The following CCDC40 variants were observed in gnomAD, a reference collection of about 807,000 sequenced individuals.
CCDC40 encodes the protein coiled-coil domain 40 molecular ruler complex subunit.
Under a neutral mutation model 124.5 loss-of-function variants are expected in CCDC40, and 104 were observed. That is an observed-to-expected ratio of 0.84 (90% CI 0.71 to 0.98). The LOEUF is 0.98. Ranked by LOEUF, CCDC40 falls within the 50% of genes least tolerant of loss-of-function variation. CCDC40 has a pLI of 0.00. For synonymous variants in CCDC40, 580 were observed against 602.9 expected (o/e 0.96, Z 0.56); for missense variants, 1,463 against 1,503.9 (o/e 0.97, Z 0.45).
At position 80,099,709 on chromosome 17, in the gene CCDC40, C is replaced by A. The variant is rs367605498; in HGVS notation, c.3363C>A (p.Phe1121Leu). The change falls in exon 20 of 20, where the codon TTC becomes TTA. Residue 1121 changes from phenylalanine to leucine, a missense_variant. Coordinates refer to ENST00000397545, the MANE Select transcript of CCDC40 (RefSeq NM_017950.4). Reference protein sequence around the residue: ...LDRVRDEYPQFQEALHKVSQM... With the variant: ...LDRVRDEYPQLQEALHKVSQM... The stretch of plus-strand genomic sequence containing the variant: ...GCGTGCGGGACGAGTACCCCCAGTT[C>A]CAGGAGGCCCTGCACAAGGTCAGCC... 3.8e-5 allele frequency: 62 copies of A among 1,613,818 alleles called. No homozygotes were observed. The South Asian group carries it at 6.0e-4, about 16-fold the overall frequency.
intron 9 of CCDC40, among the ~76,000 whole-genome samples, chr17:80,062,900 A>G (rs943415290): frequency 6.6e-6 from 1 of 152,132 alleles, no homozygotes; most frequent in Middle Eastern, 3.2e-3. Flanking sequence ...ACAATACATT[A>G]ATTTTTAATA....
Position 80,047,329 on chromosome 17 carries a change from G to A in CCDC40, c.603G>A (p.Gln201=). The change falls in exon 4 of 20, where the codon CAG becomes CAA. Residue 201 remains glutamine (Q), a synonymous_variant. Transcript: ENST00000397545. ...PQGQVLPMGV[Q]HRFRLSHGSD... ...GGCAGGTGCTCCCAATGGGCGTCCA[G>A]CACCGCTTCCGGCTGAGCCACGGGA... The A allele has an allele frequency of 6.2e-7, 1 of 1,613,936 alleles. No individual in the cohort carries two copies. Among genetic ancestry groups the A allele is most frequent in the Non-Finnish European group, 8.5e-7 (1 of 1,179,918 alleles).
At chr17:80,091,396 G>A (rs2038720978) in intron 17 of CCDC40, among the ~76,000 whole-genome samples, 1 of 151,948 alleles carries the variant, frequency 6.6e-6, no homozygotes, top group Non-Finnish European at 1.5e-5. Context: ...TGGCTCTTAT[G>A]ATTATGAGGG....
intron 19 of CCDC40, chr17:80,098,069 C>T (rs1271201904): frequency 3.2e-5 from 5 of 157,248 alleles, no homozygotes; most frequent in Admixed American, 1.3e-4. Context: ...TAGGGTGATG[C>T]GGGAAGGCCC....
chr17:80,083,462 TG>T (rs1261863241), intron 12 of CCDC40, among the ~76,000 whole-genome samples: 2 of 151,936 alleles, frequency 1.3e-5, no homozygotes, highest in Non-Finnish European at 2.9e-5. Flanking sequence ...CTGAGGAGGC[TG>T]GGGTAGGCAG....
chr17:80,082,871 C>T (rs2038491548), intron 12 of CCDC40, among the ~76,000 whole-genome samples: 1 of 152,216 alleles, frequency 6.6e-6, no homozygotes, highest in East Asian at 1.9e-4. Flanking sequence ...CCAACACATT[C>T]GTCTATTACG....
intron 18 of CCDC40, among the ~76,000 whole-genome samples, chr17:80,096,512 G>A (rs973920001): frequency 2.6e-5 from 4 of 151,762 alleles, no homozygotes; most frequent in South Asian, 2.1e-4. Flanking sequence ...TTCCTAGCCC[G>A]GCCCCTGACC....
At chr17:80,051,196 G>A (rs558816165) in intron 7 of CCDC40, 1 of 263,216 alleles carries the variant, frequency 3.8e-6, no homozygotes, top group Non-Finnish European at 5.9e-6. Context: ...CTCTTATAAT[G>A]GGGAAATGAC....
chr17:80,040,328 C>T, intron 3 of CCDC40, 58 bp downstream of exon 3: 1 of 1,491,316 alleles, frequency 6.7e-7, no homozygotes, highest in Non-Finnish European at 9.2e-7. Context: ...GGGTTTGTCA[C>T]CCTATGTGAG....
intron 3 of CCDC40, among the ~76,000 whole-genome samples, chr17:80,046,233 C>T (rs551440867): frequency 3.9e-5 from 6 of 152,122 alleles, no homozygotes; most frequent in African/African-American, 7.2e-5. Flanking sequence ...AACTCTCCCC[C>T]GCCCAGGGAA....
At position 80,099,881 on chromosome 17, in the gene CCDC40, CT is replaced by C. The variant is rs2143790486; in HGVS notation, c.*107del. Reference sequence around the variant, plus strand: ...TGTGTTCCTAAAAACCACATGTACCCTCAGAAGGGCATCGTTTAAGAGAAAT... The same window carrying C: ...TGTGTTCCTAAAAACCACATGTACCCCAGAAGGGCATCGTTTAAGAGAAAT... On this transcript the variant is annotated 3_prime_UTR_variant, in exon 20 of 20. Transcript: ENST00000397545. 4.8e-6 allele frequency: 6 copies of C among 1,247,624 alleles called. No individual in the cohort carries two copies. In the South Asian group the frequency reaches 6.4e-5, roughly 13 times the overall value. The allele number at this position is 1,247,624 out of a possible 1,614,324, so 77.3% of individuals were successfully genotyped here.
intron 19 of CCDC40, among the ~76,000 whole-genome samples, chr17:80,098,260 T>G (rs1378700882): frequency 6.6e-6 from 1 of 152,210 alleles, no homozygotes; most frequent in African/African-American, 2.4e-5. Context: ...CGGCCCAGAC[T>G]GTGTGCGGCC....
At chr17:80,049,269 GT>G (rs1456870679) in intron 5 of CCDC40, among the ~76,000 whole-genome samples, 1 of 152,020 alleles carries the variant, frequency 6.6e-6, no homozygotes, top group Non-Finnish European at 1.5e-5. Flanking sequence ...GCTGGGCATG[GT>G]GGTGAGCACC....
At chr17:80,055,250 AG>A (rs2037708188) in intron 7 of CCDC40, among the ~76,000 whole-genome samples, 3 of 152,336 alleles carry the variant, frequency 2.0e-5, no homozygotes, top group Admixed American at 1.3e-4. Context: ...AACAAGAGAA[AG>A]AAATGAGATA....
intron 10 of CCDC40, among the ~76,000 whole-genome samples, chr17:80,079,838 T>C (rs1004150252): frequency 6.7e-6 from 1 of 150,016 alleles, no homozygotes; most frequent in Non-Finnish European, 1.5e-5. Context: ...AGCTGAGGCA[T>C]GAGAATCGCT....
chr17:80,091,322 C>T (rs2038717347), intron 17 of CCDC40, among the ~76,000 whole-genome samples: 1 of 150,824 alleles, frequency 6.6e-6, no homozygotes, highest in African/African-American at 2.5e-5. Context: ...CACACACACA[C>T]ACACACACAC....
At chr17:80,068,050 T>G in intron 10 of CCDC40, 2 of 969,740 alleles carry the variant, frequency 2.1e-6, no homozygotes, top group Non-Finnish European at 2.5e-6. Context: ...TTTGTGGTTC[T>G]TGCAATGGAG....
chr17:80,037,688 A>AAT, intron 1 of CCDC40, among the ~76,000 whole-genome samples: 2 of 45,678 alleles, frequency 4.4e-5, no homozygotes, highest in African/African-American at 1.2e-4. Flanking sequence ...TTTTTTAAAA[A>AAT]AGATATACAT....
intron 10 of CCDC40, among the ~76,000 whole-genome samples, chr17:80,071,988 C>T (rs879625656): frequency 6.6e-6 from 1 of 152,022 alleles, no homozygotes; most frequent in African/African-American, 2.4e-5. Flanking sequence ...AGACATGCAC[C>T]ACCACCATGC....
Sources: gnomAD v4.1 joint callset for allele counts (sites outside exome capture counted in the v4.1 genomes callset) on GRCh38, gnomAD v4.1.1 for gene constraint, MANE v1.5 for transcripts, NCBI Gene and HGNC (gene_info 2026-07-23, HGNC 2026-07-21) for gene names.